ATL1: variants seen among roughly 807,000 people sequenced by gnomAD.
ATL1 encodes atlastin GTPase 1.
A neutral mutation model predicts 75.5 loss-of-function variants in ATL1; 31 were observed. That is an observed-to-expected ratio of 0.41 (90% CI 0.31 to 0.55). The LOEUF is 0.55. ATL1 is among the 20% of genes least tolerant of loss of function. ATL1 has a pLI of 0.27. For synonymous variants in ATL1, 226 were observed against 233.3 expected, an observed-to-expected ratio of 0.97 and a Z score of 0.28; for missense variants, 405 against 662.6, an observed-to-expected ratio of 0.61 and a Z score of 4.27.
chr14:50,583,330 G>T (rs927093106), intron 1 of ATL1, among the ~76,000 whole-genome samples: 1 of 152,062 alleles, frequency 6.6e-6, no homozygotes, highest in East Asian at 1.9e-4. Flanking sequence ...AAACCCAAAA[G>T]TATCTACATA....
intron 1 of ATL1, among the ~76,000 whole-genome samples, chr14:50,548,955 T>G (rs2038668299): frequency 6.6e-6 from 1 of 151,834 alleles, no homozygotes; most frequent in Admixed American, 6.6e-5. Context: ...CCATAAAAGG[T>G]GGGTGGAAGG....
chr14:50,581,038 T>C lies in ATL1; in HGVS notation c.35-6793T>C, dbSNP rs2039050456. Among the ~76,000 whole-genome samples, 4 of 152,016 alleles carry C rather than the reference T, an allele frequency of 2.6e-5. 1 individual carries two copies. In the South Asian group the frequency reaches 8.3e-4, roughly 32 times the overall value. ...AATCTGTAGGATCTATAGTATCTTT[T>C]TTTATATCTAATATGAGTAATTTGT... On this transcript the variant is annotated intron_variant, in intron 1 of 13. Coordinates refer to ENST00000358385, the MANE Select transcript of ATL1 (RefSeq NM_015915.5).
At chr14:50,573,504 C>T (rs2038973634) in intron 1 of ATL1, among the ~76,000 whole-genome samples, 2 of 152,174 alleles carry the variant, frequency 1.3e-5, no homozygotes, top group Admixed American at 6.5e-5. Flanking sequence ...GTTCATAGAA[C>T]ACCCATGCTT....
chr14:50,550,954 A>C (rs1261918957), intron 1 of ATL1, among the ~76,000 whole-genome samples: 1 of 152,180 alleles, frequency 6.6e-6, no homozygotes. Context: ...CTGAAAGAGC[A>C]CAAATAGACA....
intron 8 of ATL1, among the ~76,000 whole-genome samples, chr14:50,618,577 G>T (rs1449922112): frequency 6.6e-6 from 1 of 152,050 alleles, no homozygotes; most frequent in East Asian, 1.9e-4. Context: ...TGTTATAAAA[G>T]AAGTAAAGAA....
At chr14:50,612,694 C>T (rs1450685448) in intron 6 of ATL1, among the ~76,000 whole-genome samples, 2 of 152,004 alleles carry the variant, frequency 1.3e-5, no homozygotes, top group Non-Finnish European at 2.9e-5. Flanking sequence ...GTGTATGTAC[C>T]TAGGGAGACG....
At chr14:50,607,408 T>C (rs2039325555) in intron 6 of ATL1, among the ~76,000 whole-genome samples, 1 of 152,078 alleles carries the variant, frequency 6.6e-6, no homozygotes, top group Non-Finnish European at 1.5e-5. Flanking sequence ...TTGTGGGTTA[T>C]GGAAGCAAGA....
chr14:50,559,497 T>C (rs1454565015), upstream of ATL1: 2 of 152,242 alleles, frequency 1.3e-5, no homozygotes, highest in Admixed American at 6.5e-5. Context: ...ATACCCAGAC[T>C]ATGTAGTATG....
intron 1 of ATL1, among the ~76,000 whole-genome samples, chr14:50,574,971 A>ATATATATCTATATC (rs1234160143): frequency 7.7e-6 from 1 of 129,614 alleles, no homozygotes; most frequent in African/African-American, 3.0e-5. Context: ...ATATATATAT[A>ATATATATCTATATC]TATATTAGCT....
At chr14:50,602,101 T>C (rs1471670145) in intron 6 of ATL1, among the ~76,000 whole-genome samples, 1 of 152,246 alleles carries the variant, frequency 6.6e-6, no homozygotes, top group Non-Finnish European at 1.5e-5. Context: ...TTTTTGATGT[T>C]GTCAGACATT....
intron 5 of ATL1, 31 bp downstream of exon 5, chr14:50,593,927 C>G: frequency 6.6e-7 from 1 of 1,521,240 alleles, no homozygotes; most frequent in South Asian, 1.1e-5. Flanking sequence ...TTTTGTGTAT[C>G]TGGTAGTCTT....
intron 4 of ATL1, among the ~76,000 whole-genome samples, chr14:50,592,291 G>A (rs145192846): frequency 3.3e-5 from 5 of 151,992 alleles, no homozygotes; most frequent in African/African-American, 1.2e-4. Flanking sequence ...CAATCCACTG[G>A]CAAAAGCAAA....
chr14:50,617,755 T>C (rs768213743), intron 8 of ATL1, among the ~76,000 whole-genome samples: 28 of 152,248 alleles, frequency 1.8e-4, no homozygotes, highest in Non-Finnish European at 3.5e-4. Flanking sequence ...TATATATTAA[T>C]TGACCACTTG....
chr14:50,613,497 A>G (rs1405054119), intron 7 of ATL1, 146 bp downstream of exon 7: 3 of 685,298 alleles, frequency 4.4e-6, no homozygotes, highest in Non-Finnish European at 7.8e-6. Context: ...AATTCTTTGT[A>G]TATATCTATA....
rs7152427 is a variant in ATL1, at chr14:50,562,027, G to T, written c.34+1728G>T. 6.1e-3 allele frequency among the ~76,000 whole-genome samples: 926 copies of T among 151,990 alleles called. 23 individuals carry two copies. The highest frequency in any genetic ancestry group is 0.047 in the Admixed American group (714 of 15,266). On this transcript the variant is annotated intron_variant, in intron 1 of 13. Transcript: ENST00000358385. ...TTATGAAGCTTTGGATCATTATTGC[G>T]CAGAATTTCCTTTGGCTATAAACTT...
intron 1 of ATL1, among the ~76,000 whole-genome samples, chr14:50,548,364 A>C (rs182980607): frequency 3.9e-5 from 6 of 152,154 alleles, no homozygotes; most frequent in Non-Finnish European, 7.4e-5. Context: ...GAAAGCAAAA[A>C]TATTGGTGAA....
At chr14:50,558,968 G>C (rs575478104), upstream of ATL1, 5 of 152,302 alleles carry the variant, frequency 3.3e-5, no homozygotes, top group African/African-American at 9.6e-5. Context: ...ATTTGGCAGT[G>C]GTGGGGGAGT....
At chr14:50,563,515 G>T (rs1326114312) in intron 1 of ATL1, among the ~76,000 whole-genome samples, 1 of 152,132 alleles carries the variant, frequency 6.6e-6, no homozygotes, top group East Asian at 1.9e-4. Context: ...AGGCATCAAG[G>T]TAGACAATCC....
chr14:50,623,630 A>G (rs73291761), intron 11 of ATL1, among the ~76,000 whole-genome samples: 7 of 152,050 alleles, frequency 4.6e-5, no homozygotes, highest in African/African-American at 1.7e-4. Context: ...GAAAAAAAAA[A>G]CAAAAACCCT....
Sources: gnomAD v4.1 joint callset for allele counts (sites outside exome capture counted in the v4.1 genomes callset) on GRCh38, gnomAD v4.1.1 for gene constraint, MANE v1.5 for transcripts, NCBI Gene and HGNC (gene_info 2026-07-23, HGNC 2026-07-21) for gene names.